The following RPL26 variants were observed in gnomAD, a reference collection of about 807,000 sequenced individuals.
The protein encoded by RPL26 is ribosomal protein L26.
In RPL26, 1 loss-of-function variant was observed where a neutral mutation model predicts 16.2. That is an observed-to-expected ratio of 0.06 (90% CI 0.02 to 0.29). RPL26 has a LOEUF of 0.29. Among genes scored for constraint, RPL26 ranks in the 10% least tolerant of loss-of-function variants. The pLI is 1.00. For synonymous variants in RPL26, 55 were observed against 62.4 expected, an observed-to-expected ratio of 0.88 and a Z score of 0.56; for missense variants, 102 against 184.3, an observed-to-expected ratio of 0.55 and a Z score of 2.58.
At chr17:8,381,254 G>C (rs143970632) in intron 2 of RPL26, 1 of 151,974 alleles carries the variant, frequency 6.6e-6, no homozygotes, top group East Asian at 1.9e-4. Flanking sequence ...TAAATTTTCC[G>C]GGAGAATGAT....
At chr17:8,378,372 G>GA (rs1212032981) in intron 3 of RPL26, among the ~76,000 whole-genome samples, 6 of 152,018 alleles carry the variant, frequency 3.9e-5, no homozygotes, top group Admixed American at 3.9e-4. Context: ...AGGGTGTGGT[G>GA]AATGCCTACT....
At chr17:8,378,628 C>T (rs1240413236) in intron 3 of RPL26, among the ~76,000 whole-genome samples, 1 of 152,198 alleles carries the variant, frequency 6.6e-6, no homozygotes, top group East Asian at 1.9e-4. Context: ...TACGATCTTA[C>T]TCCAACAGTT....
intron 2 of RPL26, chr17:8,380,699 ACCT>A (rs1216529385): frequency 6.6e-6 from 1 of 152,166 alleles, no homozygotes; most frequent in Non-Finnish European, 1.5e-5. Flanking sequence ...AAACATTGAA[ACCT>A]CCTTTCCAAA....
At chr17:8,378,010 C>T (rs1907230194) in intron 3 of RPL26, among the ~76,000 whole-genome samples, 1 of 152,162 alleles carries the variant, frequency 6.6e-6, no homozygotes, top group African/African-American at 2.4e-5. Context: ...GTTTTACAAG[C>T]TGTCATATAC....
intron 3 of RPL26, 85 bp downstream of exon 3, chr17:8,379,711 A>C: frequency 7.8e-7 from 1 of 1,285,456 alleles, no homozygotes; most frequent in Non-Finnish European, 1.1e-6. Context: ...ATCAAGGACT[A>C]TTTCTATGGC....
intron 2 of RPL26, 90 bp from the exon 3 acceptor site, chr17:8,380,026 TATC>T: frequency 9.6e-7 from 1 of 1,039,546 alleles, no homozygotes; most frequent in South Asian, 1.7e-5. Flanking sequence ...CCATTCACCC[TATC>T]ATTATATTAA....
chr17:8,377,621 T>C lies in RPL26; in HGVS notation c.381A>G (p.Gln127=). 2 of 1,608,922 alleles carry C rather than the reference T, an allele frequency of 1.2e-6. No individual in the cohort carries two copies. The highest frequency in any genetic ancestry group is 1.7e-4 in the Middle Eastern group (1 of 5,882). The change falls in exon 4 of 4, where the codon CAA becomes CAG. Residue 127 remains glutamine, a synonymous_variant. Transcript: ENST00000648839. ...KILERKAKSR[Q]VGKEKGKYKE... ...TGTATTTGCCCTTTTCCTTTCCTAC[T>C]TGGCGAGATTTGGCTTTCCGTTCGA...
In RPL26 at chr17:8,377,664, T is replaced by C; in HGVS notation, c.338A>G (p.Lys113Arg). 1 of 1,612,144 alleles carries C rather than the reference T, an allele frequency of 6.2e-7. No individual in the cohort carries two copies. The highest frequency in any genetic ancestry group is 8.5e-7 in the Non-Finnish European group (1 of 1,179,468). Residue 113 changes from lysine to arginine, a missense_variant, in exon 4 of 4, where the codon AAA (lysine) becomes AGA (arginine). Transcript: ENST00000648839. ...KVVITRLKLD[K>R]DRKKILERKA... is the part of the protein sequence containing the mutation. ...CCGTTCGAGGATCTTTTTGCGGTCTTTGTCCAGTTTTAGCCTAGTGATAAC... is the reference window on the plus strand; with the variant it reads ...CCGTTCGAGGATCTTTTTGCGGTCTCTGTCCAGTTTTAGCCTAGTGATAAC...
chr17:8,383,079 G>C lies in RPL26; in HGVS notation c.-6+78C>G, dbSNP rs554769199. Reference sequence around the variant, plus strand: ...CTACTCGGCCGACAAGAGACTCTCGGGGTCCCCGCGGTCGGAAGCCACCAT... The same window carrying C: ...CTACTCGGCCGACAAGAGACTCTCGCGGTCCCCGCGGTCGGAAGCCACCAT... On this transcript the variant is annotated intron_variant, in intron 1 of 3. Transcript: ENST00000648839. 10 of 398,580 alleles carry C rather than the reference G, an allele frequency of 2.5e-5. No individual in the cohort carries two copies. The East Asian group carries it at 3.6e-4, about 14-fold the overall frequency. The allele number at this position is 398,580 out of a possible 1,614,324, so 24.7% of individuals were successfully genotyped here.
At chr17:8,381,781 A>T (rs1907425413) in intron 2 of RPL26, 1 of 218,500 alleles carries the variant, frequency 4.6e-6, no homozygotes, top group Admixed American at 6.2e-5. Flanking sequence ...CACAAAAATT[A>T]GCCGAGCCGT....
chr17:8,377,520 CTCTT>C lies in RPL26; in HGVS notation c.*40_*43del, dbSNP rs1649225158. 1.3e-6 allele frequency: 2 copies of C among 1,511,186 alleles called. No individual in the cohort carries two copies. Among genetic ancestry groups the C allele is most frequent in the Non-Finnish European group, 1.8e-6 (2 of 1,119,518 alleles). The allele number at this position is 1,511,186 out of a possible 1,614,324, so 93.6% of individuals were successfully genotyped here. A position where few individuals can be genotyped will look rare whatever the true frequency, so the allele number is the denominator to read the frequency against. On this transcript the variant is annotated 3_prime_UTR_variant, in exon 4 of 4. Transcript: ENST00000648839. ...TAAATCACCACACACAAAACACAGG[CTCTT>C]TGTTTCAAGTTTTAATCAAAGCTTG...
chr17:8,377,731 A>AT, intron 3 of RPL26, 39 bp from the exon 4 acceptor site: 2 of 1,578,224 alleles, frequency 1.3e-6, no homozygotes, highest in Non-Finnish European at 1.7e-6. Flanking sequence ...CAAGCTTTAA[A>AT]TAATCACTAA....
At chr17:8,378,288 G>C (rs1015445894) in intron 3 of RPL26, among the ~76,000 whole-genome samples, 3 of 152,178 alleles carry the variant, frequency 2.0e-5, no homozygotes, top group Non-Finnish European at 4.4e-5. Context: ...AGCTGAGATG[G>C]TGCTATTATT....
At chr17:8,382,715 C>A (rs897346561) in intron 1 of RPL26, 4 of 304,164 alleles carry the variant, frequency 1.3e-5, no homozygotes, top group Non-Finnish European at 2.4e-5. Flanking sequence ...CAACGTTCAT[C>A]TTCTACAGGC....
Position 8,377,619 on chromosome 17 carries a change from A to C in RPL26, c.383T>G (p.Val128Gly). 1 of 1,607,974 alleles carries C rather than the reference A, an allele frequency of 6.2e-7. No individual in the cohort carries two copies. The highest frequency in any genetic ancestry group is 8.5e-7 in the Non-Finnish European group (1 of 1,179,364). Reference protein sequence around the residue: ...ILERKAKSRQVGKEKGKYKEE... With the variant: ...ILERKAKSRQGGKEKGKYKEE... ...CTTGTATTTGCCCTTTTCCTTTCCT[A>C]CTTGGCGAGATTTGGCTTTCCGTTC... Residue 128 changes from valine (V) to glycine (G), a missense_variant, in exon 4 of 4, where the codon GTA (valine) becomes GGA (glycine). Val to Gly is a moderately radical substitution (Grantham distance 109, BLOSUM62 -3). Coordinates refer to ENST00000648839, the MANE Select transcript of RPL26 (RefSeq NM_000987.5).
In RPL26 at chr17:8,382,158, C is replaced by T. The variant is rs759269888; in HGVS notation, c.153G>A (p.Lys51=). 4.3e-6 allele frequency: 7 copies of T among 1,613,400 alleles called. No homozygotes were observed. The highest frequency in any genetic ancestry group is 4.0e-5 in the African/African-American group (3 of 74,878). ...KYNVRSMPIR[K]DDEVQVVRGH... is the part of the protein sequence containing the mutation. ...GGATACACACCTGAACTTCATCATC[C>T]TTTCGGATGGGCATGGATCGCACGT... The change falls in exon 2 of 4, where the codon AAG becomes AAA. Residue 51 remains lysine, a synonymous_variant. Transcript: ENST00000648839.
At chr17:8,380,307 T>G (rs1297970205) in intron 2 of RPL26, among the ~76,000 whole-genome samples, 1 of 152,226 alleles carries the variant, frequency 6.6e-6, no homozygotes. Flanking sequence ...GTTTGTGACT[T>G]TCTTGCATTG....
chr17:8,377,794 G>T (rs897055299), intron 3 of RPL26, 102 bp from the exon 4 acceptor site: 18 of 1,030,872 alleles, frequency 1.7e-5, no homozygotes, highest in Non-Finnish European at 2.2e-5. Context: ...TGGGGTAGGT[G>T]GATGCCTAAT....
chr17:8,380,322 G>T (rs1327548450), intron 2 of RPL26, among the ~76,000 whole-genome samples: 1 of 152,232 alleles, frequency 6.6e-6, no homozygotes, highest in African/African-American at 2.4e-5. Context: ...GCATTGGTAT[G>T]TATTGAAAAC....
Sources: allele counts gnomAD v4.1 joint callset (sites outside exome capture counted in the v4.1 genomes callset), GRCh38; gene constraint gnomAD v4.1.1; transcripts MANE v1.5; gene names NCBI Gene and HGNC (gene_info 2026-07-23, HGNC 2026-07-21).